SGMS1: variants seen among roughly 807,000 people sequenced by gnomAD.
SGMS1 encodes the protein phosphatidylcholine:ceramide cholinephosphotransferase 1.
A neutral mutation model predicts 46.2 loss-of-function variants in SGMS1; 13 were observed. The observed-to-expected ratio is 0.28, with a 90% CI of 0.18 to 0.45. SGMS1 has a LOEUF of 0.45. SGMS1 is among the 20% of genes least tolerant of loss of function. The pLI, the probability that SGMS1 is intolerant of heterozygous loss-of-function variation, is 1.00. For synonymous variants in SGMS1, 203 were observed against 187.8 expected, an observed-to-expected ratio of 1.08 and a Z score of -0.66; for missense variants, 324 against 519.9, an observed-to-expected ratio of 0.62 and a Z score of 3.66.
intron 6 of SGMS1, among the ~76,000 whole-genome samples, chr10:50,420,129 C>T (rs1485291555): frequency 6.6e-6 from 1 of 152,156 alleles, no homozygotes; most frequent in South Asian, 2.1e-4. Context: ...TTATCCTTAG[C>T]AACAGGTACT....
At chr10:50,422,868 G>A (rs189958136) in intron 6 of SGMS1, among the ~76,000 whole-genome samples, 64 of 152,228 alleles carry the variant, frequency 4.2e-4, no homozygotes, top group Non-Finnish European at 7.9e-4. Context: ...GTTACCACCC[G>A]CACACACATT....
chr10:50,591,113 T>C (rs1161761341), intron 1 of SGMS1, among the ~76,000 whole-genome samples: 2 of 152,214 alleles, frequency 1.3e-5, no homozygotes, highest in African/African-American at 4.8e-5. Flanking sequence ...CTGAAAGTCA[T>C]ACTCCTGTTG....
At chr10:50,614,659 G>A (rs762970751) in intron 1 of SGMS1, among the ~76,000 whole-genome samples, 1 of 152,226 alleles carries the variant, frequency 6.6e-6, no homozygotes, top group Non-Finnish European at 1.5e-5. Context: ...TCTGATACAC[G>A]CTGAAATCTG....
At chr10:50,472,611 A>G (rs1187130905) in intron 3 of SGMS1, among the ~76,000 whole-genome samples, 1 of 152,194 alleles carries the variant, frequency 6.6e-6, no homozygotes, top group Non-Finnish European at 1.5e-5. Context: ...TATCTGAGCT[A>G]TTGTGAATAA....
In SGMS1 at chr10:50,465,428, C is replaced by CA. The variant is rs372166513; in HGVS notation, c.-455+1461dup. 9.1e-3 allele frequency among the ~76,000 whole-genome samples: 1,361 copies of CA among 150,174 alleles called. 17 individuals are homozygous for CA. The highest frequency in any genetic ancestry group is 0.027 in the African/African-American group (1,103 of 40,896). On this transcript the variant is annotated intron_variant, in intron 4 of 10. Transcript: ENST00000361781. ...AGCAAAATAATTCAATTCATATTCT[C>CA]AAAAAAAAATGAGAAAATATTGCAT...
At chr10:50,487,804 T>C (rs998226257) in intron 3 of SGMS1, among the ~76,000 whole-genome samples, 1 of 151,976 alleles carries the variant, frequency 6.6e-6, no homozygotes, top group Non-Finnish European at 1.5e-5. Flanking sequence ...TTTTTCCTTA[T>C]AATAGAAGAG....
At chr10:50,486,426 T>C (rs7091881) in intron 3 of SGMS1, among the ~76,000 whole-genome samples, 20,053 of 152,008 alleles carry the variant, frequency 0.13, 1,425 homozygotes, top group Middle Eastern at 0.22. Context: ...CTGACAAAGA[T>C]CTAATAACCA....
At chr10:50,424,603 T>A (rs1054273499) in intron 6 of SGMS1, among the ~76,000 whole-genome samples, 22 of 152,092 alleles carry the variant, frequency 1.4e-4, no homozygotes, top group Non-Finnish European at 2.9e-4. Flanking sequence ...ATCAACAGAA[T>A]AAGGAGACAA....
intron 6 of SGMS1, among the ~76,000 whole-genome samples, chr10:50,407,741 T>C (rs1412576200): frequency 6.6e-6 from 1 of 152,104 alleles, no homozygotes. Context: ...AAAGCCATCA[T>C]GTACTTCTAG....
intron 1 of SGMS1, among the ~76,000 whole-genome samples, chr10:50,596,368 G>A (rs1334856693): frequency 6.6e-6 from 1 of 152,168 alleles, no homozygotes; most frequent in Non-Finnish European, 1.5e-5. Flanking sequence ...AGTAGAGACA[G>A]GGTTTCGCCA....
intron 5 of SGMS1, among the ~76,000 whole-genome samples, chr10:50,435,599 A>G (rs766941110): frequency 1.1e-4 from 17 of 152,346 alleles, no homozygotes; most frequent in Admixed American, 5.9e-4. Context: ...AGCATTCTTC[A>G]TATCAATACT....
Position 50,374,461 on chromosome 10 carries a change from A to T in SGMS1, c.-231-30116T>A, listed in dbSNP as rs987909437. Among the ~76,000 whole-genome samples the T allele has an allele frequency of 3.1e-5, 4 of 127,952 alleles. No individual in the cohort carries two copies. The Admixed American group carries it at 4.3e-4, about 14-fold the overall frequency. The allele number at this position is 127,952 out of a possible 152,430, so 83.9% of individuals were successfully genotyped here. On this transcript the variant is annotated intron_variant, in intron 6 of 10. Coordinates refer to ENST00000361781, the MANE Select transcript of SGMS1 (RefSeq NM_147156.4). ...CACCCCCACCCCCATTATCTAATCT[A>T]TTAGAGCAATCCTATCAGCTTTATC...
intron 3 of SGMS1, among the ~76,000 whole-genome samples, chr10:50,499,841 G>A (rs1336411312): frequency 6.6e-6 from 1 of 152,176 alleles, no homozygotes; most frequent in Non-Finnish European, 1.5e-5. Context: ...TTAAACGTAT[G>A]GCTTAGGCTA....
At position 50,567,095 on chromosome 10, in the gene SGMS1, C is replaced by T. The variant is rs572473599; in HGVS notation, c.-589+23058G>A. ...CCAAGTAGCTGGGATTACAGGCACC[C>T]GCCACTACGCTCAGCTAATTTTTGT... is the stretch of plus-strand genomic sequence containing the variant. On this transcript the variant is annotated intron_variant, in intron 2 of 10. Transcript: ENST00000361781. 1.3e-4 allele frequency among the ~76,000 whole-genome samples: 20 copies of T among 152,132 alleles called. No homozygotes were observed. The South Asian group carries it at 3.1e-3, about 24-fold the overall frequency.
chr10:50,337,483 C>A (rs1317893282), intron 7 of SGMS1, among the ~76,000 whole-genome samples: 1 of 152,040 alleles, frequency 6.6e-6, no homozygotes, highest in Non-Finnish European at 1.5e-5. Flanking sequence ...ATATCAAATG[C>A]TTTTAAGAAC....
intron 1 of SGMS1, among the ~76,000 whole-genome samples, chr10:50,619,789 G>A (rs1265000206): frequency 6.6e-6 from 1 of 152,182 alleles, no homozygotes; most frequent in Non-Finnish European, 1.5e-5. Context: ...GAGTGGAGGG[G>A]AATCTTTCTC....
At chr10:50,489,359 C>T (rs549470393) in intron 3 of SGMS1, among the ~76,000 whole-genome samples, 3 of 152,300 alleles carry the variant, frequency 2.0e-5, no homozygotes, top group Non-Finnish European at 4.4e-5. Context: ...CAAATGATAA[C>T]ATTTTTCATT....
chr10:50,332,176 A>G (rs1847634773), intron 7 of SGMS1, among the ~76,000 whole-genome samples: 1 of 151,916 alleles, frequency 6.6e-6, no homozygotes, highest in African/African-American at 2.4e-5. Context: ...CCCTCTGGCC[A>G]CCCTCCCTAT....
chr10:50,446,430 C>G (rs928060277), intron 5 of SGMS1, among the ~76,000 whole-genome samples: 2 of 152,020 alleles, frequency 1.3e-5, no homozygotes, highest in African/African-American at 2.4e-5. Context: ...AGAAAAGGAC[C>G]CATATCGAAT....
Sources: gnomAD v4.1 joint callset for allele counts (sites outside exome capture counted in the v4.1 genomes callset) on GRCh38, gnomAD v4.1.1 for gene constraint, MANE v1.5 for transcripts, NCBI Gene and HGNC (gene_info 2026-07-23, HGNC 2026-07-21) for gene names.